Variants in PLOD2 observed in about 807,000 individuals in gnomAD.
PLOD2 encodes the protein lysine hydroxylase 2.
In PLOD2, 65 loss-of-function variants were observed where a neutral mutation model predicts 101.0. The ratio of observed to expected loss-of-function variants is 0.64; its 90% CI spans 0.53 to 0.79. PLOD2 has a LOEUF of 0.79. Ranked by LOEUF, PLOD2 falls within the 30% of genes least tolerant of loss-of-function variation. The probability of loss-of-function intolerance (pLI) is 0.00; values close to 1 mark genes in which losing one functional copy is unlikely to be tolerated. For missense variants in PLOD2, 909 were observed against 914.6 expected (o/e 0.99, Z 0.08); for synonymous variants, 314 against 302.9 (o/e 1.04, Z -0.38).
At chr3:146,123,317 T>A in intron 2 of PLOD2, 1 of 1,142,018 alleles carries the variant, frequency 8.8e-7, no homozygotes, top group Non-Finnish European at 1.1e-6. Context: ...GGCTGACAGA[T>A]CCTTCTTTCT....
chr3:146,117,005 C>T (rs546740913), intron 3 of PLOD2, among the ~76,000 whole-genome samples: 46 of 152,066 alleles, frequency 3.0e-4, no homozygotes, highest in Non-Finnish European at 4.3e-4. Flanking sequence ...AAATGGAATA[C>T]GGGATAATTA....
intron 13 of PLOD2, 74 bp from the exon 14 acceptor site, chr3:146,077,998 T>C (rs1936405366): frequency 1.2e-6 from 1 of 840,490 alleles, no homozygotes; most frequent in Non-Finnish European, 2.1e-6. Context: ...TAAATAAAAA[T>C]AATAGCAGCT....
chr3:146,094,803 C>G (rs147629876), intron 7 of PLOD2, among the ~76,000 whole-genome samples: 1 of 152,080 alleles, frequency 6.6e-6, no homozygotes, highest in Non-Finnish European at 1.5e-5. Flanking sequence ...AGGCATCATG[C>G]TACCTGACTT....
intron 1 of PLOD2, among the ~76,000 whole-genome samples, chr3:146,133,315 G>A (rs2031034258): frequency 6.6e-6 from 1 of 152,050 alleles, no homozygotes; most frequent in Non-Finnish European, 1.5e-5. Context: ...TAAATACAGT[G>A]ACATTTAAAT....
Position 146,070,599 on chromosome 3 carries a change from A to G in PLOD2, c.*118T>C. 1 of 651,116 alleles carries G rather than the reference A, an allele frequency of 1.5e-6. No individual in the cohort carries two copies. The highest frequency in any genetic ancestry group is 2.3e-5 in the South Asian group (1 of 43,222). 40.3% of individuals were successfully genotyped at this position (651,116 alleles called of 1,614,324 possible). A position where few individuals can be genotyped will look rare whatever the true frequency, so the allele number is the denominator to read the frequency against. On this transcript the variant is annotated 3_prime_UTR_variant, in exon 20 of 20. Coordinates refer to ENST00000282903, the MANE Select transcript of PLOD2 (RefSeq NM_182943.3). ...TTTTCAAATGTTTGGCCCAAAGTGA[A>G]GTTGTTCTGTTGATGTTATTTAAAT...
At chr3:146,077,600 A>G in intron 14 of PLOD2, 1 of 352,842 alleles carries the variant, frequency 2.8e-6, no homozygotes, top group Non-Finnish European at 5.1e-6. Context: ...AAAAACCTAA[A>G]AAAAGAATGA....
At chr3:146,087,102 C>CAT (rs1249075047) in intron 9 of PLOD2, among the ~76,000 whole-genome samples, 194 bp from the exon 10 acceptor site, 2 of 151,796 alleles carry the variant, frequency 1.3e-5, no homozygotes, top group African/African-American at 4.8e-5. Context: ...ATCTTAAATA[C>CAT]ATATATATCA....
chr3:146,152,344 C>T (rs1416908502), intron 1 of PLOD2, among the ~76,000 whole-genome samples: 1 of 151,864 alleles, frequency 6.6e-6, no homozygotes, highest in Non-Finnish European at 1.5e-5. Context: ...CGCTTGAACC[C>T]GGGAGGCAGA....
chr3:146,116,952 G>T (rs748861565), intron 3 of PLOD2, among the ~76,000 whole-genome samples: 5 of 152,040 alleles, frequency 3.3e-5, no homozygotes, highest in African/African-American at 1.2e-4. Context: ...GAAGGAATGC[G>T]ACAAAATTGT....
rs371935502 is a variant in PLOD2 at position 146,161,153 on chromosome 3, G to A, written c.-164C>T. 7 of 415,096 alleles carry A rather than the reference G, an allele frequency of 1.7e-5. No homozygotes were observed. The East Asian group carries it at 2.1e-4, about 12-fold the overall frequency. 25.7% of individuals were successfully genotyped at this position (415,096 alleles called of 1,614,324 possible). On this transcript the variant is annotated 5_prime_UTR_variant, in exon 1 of 20. Coordinates refer to ENST00000282903, the MANE Select transcript of PLOD2 (RefSeq NM_182943.3). ...AGCCGGAGCGGCGCGTAACGCAGCTGAGTGAGGTCGTCGGTGGAGGCACGG... is the reference window on the plus strand; with the variant it reads ...AGCCGGAGCGGCGCGTAACGCAGCTAAGTGAGGTCGTCGGTGGAGGCACGG...
intron 9 of PLOD2, 43 bp downstream of exon 9, chr3:146,088,543 A>T: frequency 7.3e-7 from 1 of 1,375,654 alleles, no homozygotes; most frequent in Non-Finnish European, 1.0e-6. Flanking sequence ...AAAAAAGACC[A>T]AAAATAGTTT....
chr3:146,148,525 G>A (rs776030347), intron 1 of PLOD2, among the ~76,000 whole-genome samples: 1 of 152,132 alleles, frequency 6.6e-6, no homozygotes, highest in African/African-American at 2.4e-5. Flanking sequence ...CTTGTATAGT[G>A]AGCGCCCTCT....
chr3:146,102,775 T>G lies in PLOD2; in HGVS notation c.757A>C (p.Asn253His), dbSNP rs747911772. The part of the protein sequence containing the change: ...TFYETLPVAI[N>H]GNGPTKILLN... ...CTTACCTTGGTGGGTCCATTTCCAT[T>G]AATTGCCACTGGTAATGTTTCATAA... The change falls in exon 7 of 20, where the codon AAT (asparagine) becomes CAT (histidine). Residue 253 changes from asparagine to histidine, a missense_variant. Coordinates refer to ENST00000282903, the MANE Select transcript of PLOD2 (RefSeq NM_182943.3). 6.3e-7 allele frequency: 1 copy of G among 1,593,374 alleles called. No homozygotes were observed. The highest frequency in any genetic ancestry group is 2.2e-5 in the East Asian group (1 of 44,732).
intron 1 of PLOD2, among the ~76,000 whole-genome samples, chr3:146,148,114 G>A (rs563340700): frequency 1.3e-5 from 2 of 151,928 alleles, no homozygotes; most frequent in East Asian, 3.9e-4. Flanking sequence ...CTTGGAAGGT[G>A]TTTAGGAAGA....
At chr3:146,129,902 C>A (rs907292536) in intron 1 of PLOD2, among the ~76,000 whole-genome samples, 1 of 152,184 alleles carries the variant, frequency 6.6e-6, no homozygotes, top group African/African-American at 2.4e-5. Flanking sequence ...CAGGTTTCTG[C>A]AATCGTCTCT....
intron 3 of PLOD2, among the ~76,000 whole-genome samples, chr3:146,120,402 A>G (rs2030020963): frequency 6.6e-6 from 1 of 152,144 alleles, no homozygotes; most frequent in African/African-American, 2.4e-5. Flanking sequence ...GTGCTGGGAA[A>G]ACTGGCTAGC....
At chr3:146,127,475 C>T (rs6800294) in intron 1 of PLOD2, among the ~76,000 whole-genome samples, 78,080 of 151,810 alleles carry the variant, frequency 0.51, 20,166 homozygotes, top group Middle Eastern at 0.56. Flanking sequence ...CCTCCAGCTC[C>T]ATTCATCCTG....
intron 1 of PLOD2, among the ~76,000 whole-genome samples, chr3:146,138,274 G>A (rs1418786131): frequency 6.6e-6 from 1 of 151,494 alleles, no homozygotes; most frequent in African/African-American, 2.4e-5. Flanking sequence ...CAGCATTCAA[G>A]ACAGGACAAG....
intron 2 of PLOD2, chr3:146,123,323 T>C: frequency 8.9e-7 from 1 of 1,127,096 alleles, no homozygotes; most frequent in Non-Finnish European, 1.1e-6. Flanking sequence ...CAGATCCTTC[T>C]TTCTATTAAA....
Sources: allele counts gnomAD v4.1 joint callset (sites outside exome capture counted in the v4.1 genomes callset), GRCh38; gene constraint gnomAD v4.1.1; transcripts MANE v1.5; gene names NCBI Gene and HGNC (gene_info 2026-07-23, HGNC 2026-07-21).